SLC1A1: variants seen among roughly 807,000 people sequenced by gnomAD.
The protein encoded by SLC1A1 is excitatory amino acid transporter 3.
Under a neutral mutation model 53.3 loss-of-function variants are expected in SLC1A1, and 43 were observed. The observed-to-expected ratio is 0.81, with a 90% CI of 0.63 to 1.04. The LOEUF is 1.04. Ranked by LOEUF, SLC1A1 falls within the 50% of genes least tolerant of loss-of-function variation. The probability of loss-of-function intolerance (pLI) is 0.00; values close to 1 mark genes in which losing one functional copy is unlikely to be tolerated. For missense variants in SLC1A1, 748 were observed against 664.9 expected (o/e 1.12, Z -1.37); for synonymous variants, 307 against 243.2 (o/e 1.26, Z -2.44).
intron 1 of SLC1A1, among the ~76,000 whole-genome samples, chr9:4,505,049 T>TTTTTC (rs1820754999): frequency 7.2e-6 from 1 of 138,716 alleles, no homozygotes; most frequent in Non-Finnish European, 1.5e-5. Context: ...ATATTTCTTT[T>TTTTTC]TTTTTTTTTT....
At chr9:4,557,733 G>A (rs1356724486) in intron 2 of SLC1A1, among the ~76,000 whole-genome samples, 3 of 152,204 alleles carry the variant, frequency 2.0e-5, no homozygotes, top group South Asian at 2.1e-4. Context: ...GGCTACTGCA[G>A]GGGACAGCAC....
Position 4,490,522 on chromosome 9 carries a change from G to A in SLC1A1, c.-158G>A, listed in dbSNP as rs966421699. The A allele has an allele frequency of 6.7e-5, 29 of 432,052 alleles. No individual in the cohort carries two copies. Among genetic ancestry groups the A allele is most frequent in the Middle Eastern group, 6.3e-4 (1 of 1,586 alleles). The allele number at this position is 432,052 out of a possible 1,614,324, so 26.8% of individuals were successfully genotyped here. On this transcript the variant is annotated 5_prime_UTR_variant, in exon 1 of 12. Coordinates refer to ENST00000262352, the MANE Select transcript of SLC1A1 (RefSeq NM_004170.6). ...GCGCGGTGCGCGATCCCGGGTGGCGGCGGCAACGGCGGTGGTGACGGCGGC... is the reference window on the plus strand; with the variant it reads ...GCGCGGTGCGCGATCCCGGGTGGCGACGGCAACGGCGGTGGTGACGGCGGC...
rs770687238 is a variant in SLC1A1 at position 4,585,346 on chromosome 9, G to A, written c.1363G>A (p.Asp455Asn). 29 of 1,614,056 alleles carry A rather than the reference G, an allele frequency of 1.8e-5. No individual in the cohort carries two copies. The highest frequency in any genetic ancestry group is 2.4e-5 in the Non-Finnish European group (28 of 1,180,032). ...RFRTMVNVLG[D>N]AFGTGIVEKL... ...CAGGACCATGGTCAACGTCCTTGGT[G>A]ATGCTTTTGGGACGGGCATTGTGGA... is the stretch of plus-strand genomic sequence containing the variant. The change falls in exon 12 of 12, where the codon GAT becomes AAT. Residue 455 changes from aspartate to asparagine, a missense_variant. Asp to Asn is a conservative substitution (Grantham distance 23, BLOSUM62 1). Transcript: ENST00000262352.
chr9:4,541,354 GATT>G (rs1248800411), intron 1 of SLC1A1, among the ~76,000 whole-genome samples: 1 of 152,188 alleles, frequency 6.6e-6, no homozygotes, highest in African/African-American at 2.4e-5. Context: ...AGTTTAGTAG[GATT>G]ATAATATTTT....
rs994931413 is a variant in SLC1A1 at position 4,572,704 on chromosome 9, T to C, written c.767+316T>C. On this transcript the variant is annotated intron_variant, in intron 7 of 11. Coordinates refer to ENST00000262352, the MANE Select transcript of SLC1A1 (RefSeq NM_004170.6). ...CTGGGACTATAGGCATGTACCACCA[T>C]GCCCAGCTATTTTTTTGTATTTTTT... Among the ~76,000 whole-genome samples, 3 of 152,142 alleles carry C rather than the reference T, an allele frequency of 2.0e-5. No homozygotes were observed. The East Asian group carries it at 5.8e-4, about 29-fold the overall frequency.
At chr9:4,561,343 T>G in intron 2 of SLC1A1, 106 bp from the exon 3 acceptor site, 1 of 781,728 alleles carries the variant, frequency 1.3e-6, no homozygotes, top group Non-Finnish European at 2.3e-6. Flanking sequence ...TGTCTGTAGA[T>G]GAGAACGCCT....
At position 4,549,496 on chromosome 9, in the gene SLC1A1, T is replaced by C. The variant is rs1330689; in HGVS notation, c.232+4789T>C. Among the ~76,000 whole-genome samples the C allele has an allele frequency of 0.96, 145,768 of 152,266 alleles. 70,075 individuals are homozygous for C. Among genetic ancestry groups the C allele is most frequent in the East Asian group, 1 (5,170 of 5,170 alleles). ...GCTCCCTGAAGGGGCTCCCAGGGCC[T>C]CTTAACAGGGATGCCCCTCTGCTTA... On this transcript the variant is annotated intron_variant, in intron 2 of 11. Transcript: ENST00000262352. This position sits in a 1 kb window ranked among gnomAD's most constrained non-coding sequence, Gnocchi z 4.1.
intron 1 of SLC1A1, among the ~76,000 whole-genome samples, chr9:4,517,874 C>T (rs949384719): frequency 2.6e-5 from 4 of 152,050 alleles, no homozygotes; most frequent in Non-Finnish European, 5.9e-5. Flanking sequence ...TAGCCTTGTA[C>T]GTTTGCAGTC....
At position 4,506,342 on chromosome 9, in the gene SLC1A1, A is replaced by G. The variant is rs557694581; in HGVS notation, c.91+15572A>G. 3.9e-5 allele frequency among the ~76,000 whole-genome samples: 6 copies of G among 152,298 alleles called. No homozygotes were observed. The South Asian group carries it at 1.2e-3, about 32-fold the overall frequency. The stretch of plus-strand genomic sequence containing the variant: ...TTGCACATTTTACATATAATGCTAT[A>G]TGGTTGTGTTTGGGCTTTGTGTACA... On this transcript the variant is annotated intron_variant, in intron 1 of 11. Transcript: ENST00000262352.
intron 2 of SLC1A1, 133 bp downstream of exon 2, chr9:4,544,840 A>C (rs1817323464): frequency 1.3e-6 from 1 of 790,454 alleles, no homozygotes; most frequent in Non-Finnish European, 2.1e-6. Context: ...AGAAGGTCTC[A>C]GGAAACTCAC....
chr9:4,514,641 G>A (rs528621829), intron 1 of SLC1A1, among the ~76,000 whole-genome samples: 1 of 151,838 alleles, frequency 6.6e-6, no homozygotes, highest in Admixed American at 6.6e-5. Flanking sequence ...AGTGGGCATG[G>A]TTGGGGTTGG....
chr9:4,548,904 C>G (rs1370620099), intron 2 of SLC1A1, among the ~76,000 whole-genome samples: 1 of 152,184 alleles, frequency 6.6e-6, no homozygotes, highest in Non-Finnish European at 1.5e-5. Context: ...TGCTCCCGCC[C>G]TGCTGAGGAA....
chr9:4,517,599 G>A (rs1815898020), intron 1 of SLC1A1, among the ~76,000 whole-genome samples: 1 of 152,182 alleles, frequency 6.6e-6, no homozygotes, highest in Non-Finnish European at 1.5e-5. Context: ...TTGTGTACCA[G>A]AATGAAAGAT....
At chr9:4,506,757 C>G (rs1298073336) in intron 1 of SLC1A1, among the ~76,000 whole-genome samples, 1 of 152,132 alleles carries the variant, frequency 6.6e-6, no homozygotes, top group Admixed American at 6.5e-5. Context: ...GAAGCCTATT[C>G]AGGGCCCTGT....
chr9:4,504,268 TTTA>T (rs1363738742), intron 1 of SLC1A1, among the ~76,000 whole-genome samples: 1 of 152,208 alleles, frequency 6.6e-6, no homozygotes, highest in Non-Finnish European at 1.5e-5. Flanking sequence ...AGCTACGGTA[TTTA>T]GCAACTCTTA....
intron 1 of SLC1A1, among the ~76,000 whole-genome samples, chr9:4,498,932 G>A (rs1182594131): frequency 2.1e-5 from 3 of 142,040 alleles, no homozygotes; most frequent in Non-Finnish European, 3.0e-5. Context: ...ACATATGTAT[G>A]TATTATATAC....
At chr9:4,568,257 A>G (rs1182050071) in intron 6 of SLC1A1, among the ~76,000 whole-genome samples, 1 of 151,944 alleles carries the variant, frequency 6.6e-6, no homozygotes, top group Non-Finnish European at 1.5e-5. Flanking sequence ...TCACCTCTAC[A>G]AAAAATGAAA....
chr9:4,579,508 C>A (rs540324583), intron 10 of SLC1A1, among the ~76,000 whole-genome samples: 215 of 152,218 alleles, frequency 1.4e-3, no homozygotes, highest in African/African-American at 3.9e-3. Flanking sequence ...ATCTCACTGC[C>A]AGAGGAATGA....
chr9:4,562,577 T>C (rs369226640), intron 3 of SLC1A1, among the ~76,000 whole-genome samples: 5 of 152,326 alleles, frequency 3.3e-5, no homozygotes, highest in East Asian at 1.9e-4. Flanking sequence ...ACCCTTAGCA[T>C]AGTTTTTTGA....
Sources: allele counts gnomAD v4.1 joint callset (sites outside exome capture counted in the v4.1 genomes callset), GRCh38; gene constraint gnomAD v4.1.1; non-coding constraint Gnocchi (gnomAD v3.1); transcripts MANE v1.5; gene names NCBI Gene and HGNC (gene_info 2026-07-23, HGNC 2026-07-21).